The following RBFOX1 variants were observed in gnomAD, a reference collection of about 807,000 sequenced individuals.
RBFOX1 encodes the protein RNA binding fox-1 homolog 1, also known as RNA binding protein fox-1 homolog 1.
A neutral mutation model predicts 57.7 loss-of-function variants in RBFOX1; 8 were observed. That is an observed-to-expected ratio of 0.14 (90% CI 0.08 to 0.25). The LOEUF is 0.25. Among genes scored for constraint, RBFOX1 ranks in the 10% least tolerant of loss-of-function variants. The probability of loss-of-function intolerance (pLI) is 1.00; values close to 1 mark genes in which losing one functional copy is unlikely to be tolerated. For synonymous variants in RBFOX1, 326 were observed against 222.4 expected (o/e 1.47, Z -4.15); for missense variants, 611 against 548.5 (o/e 1.11, Z -1.14).
chr16:6,341,512 G>A (rs1447976944), intron 2 of RBFOX1, among the ~76,000 whole-genome samples: 1 of 152,140 alleles, frequency 6.6e-6, no homozygotes, highest in African/African-American at 2.4e-5. Flanking sequence ...AGAATGTCCT[G>A]ATATCCCCAT....
intron 2 of RBFOX1, among the ~76,000 whole-genome samples, chr16:6,490,049 G>A (rs992480317): frequency 6.6e-6 from 1 of 152,314 alleles, no homozygotes; most frequent in Middle Eastern, 3.4e-3. Context: ...GATGGTGGAT[G>A]TGAGTACGTT....
rs145158466 is a variant in RBFOX1 at position 6,846,437 on chromosome 16, G to T, written c.-16+191787G>T. ...CATGGACAAGGACAAACAAGAGACTGCACTGTGTTCTATAAGAAGACACCT... is the reference window on the plus strand; with the variant it reads ...CATGGACAAGGACAAACAAGAGACTTCACTGTGTTCTATAAGAAGACACCT... On this transcript the variant is annotated intron_variant, in intron 3 of 15. Coordinates refer to ENST00000550418, the MANE Select transcript of RBFOX1 (RefSeq NM_018723.4). Among the ~76,000 whole-genome samples the T allele has an allele frequency of 2.4e-3, 369 of 152,270 alleles. 4 individuals are homozygous for T. The highest frequency in any genetic ancestry group is 6.5e-4 in the Non-Finnish European group (44 of 68,026).
chr16:7,171,846 A>G lies in RBFOX1; in HGVS notation c.27+119748A>G, dbSNP rs181767335. Among the ~76,000 whole-genome samples, 13 of 152,280 alleles carry G rather than the reference A, an allele frequency of 8.5e-5. No homozygotes were observed. The East Asian group carries it at 2.1e-3, about 25-fold the overall frequency. ...AGCTATAAAATTTTGCTTATCGCATAGTTTAAAGTGGGATGATGACTGAGA... is the reference window on the plus strand; with the variant it reads ...AGCTATAAAATTTTGCTTATCGCATGGTTTAAAGTGGGATGATGACTGAGA... On this transcript the variant is annotated intron_variant, in intron 4 of 15. Transcript: ENST00000550418.
chr16:7,004,631 C>T (rs899557424), intron 3 of RBFOX1, among the ~76,000 whole-genome samples: 1 of 152,146 alleles, frequency 6.6e-6, no homozygotes, highest in Non-Finnish European at 1.5e-5. Context: ...TCTTGAAAGC[C>T]TCAACATTGG....
At chr16:5,725,766 C>T (rs2052126273) in intron 3 of RBFOX1, among the ~76,000 whole-genome samples, 1 of 151,974 alleles carries the variant, frequency 6.6e-6, no homozygotes, top group Non-Finnish European at 1.5e-5. Context: ...TTATGCTTCC[C>T]AAGAATGGCA....
intron 4 of RBFOX1, among the ~76,000 whole-genome samples, chr16:5,975,745 C>G (rs1057195615): frequency 6.6e-6 from 1 of 152,114 alleles, no homozygotes; most frequent in Non-Finnish European, 1.5e-5. Context: ...CTAGGTTCTG[C>G]CATTTGCTGG....
chr16:7,337,382 C>T (rs2144859307), intron 4 of RBFOX1, among the ~76,000 whole-genome samples: 1 of 152,188 alleles, frequency 6.6e-6, no homozygotes, highest in East Asian at 1.9e-4. Context: ...AGTAGGCATT[C>T]ACAGGACAAA....
chr16:5,276,971 T>C (rs114367018), intron 1 of RBFOX1, among the ~76,000 whole-genome samples: 2,826 of 152,304 alleles, frequency 0.019, 45 homozygotes, highest in Middle Eastern at 0.065. Context: ...GAAGTCATCG[T>C]ATGAAAAAGA....
chr16:6,190,704 T>G (rs2097136106), intron 1 of RBFOX1, among the ~76,000 whole-genome samples: 1 of 152,130 alleles, frequency 6.6e-6, no homozygotes, highest in Admixed American at 6.5e-5. Context: ...TTAGTCTCTG[T>G]TGGTCCCACC....
At chr16:6,969,936 C>G (rs535125976) in intron 3 of RBFOX1, among the ~76,000 whole-genome samples, 1 of 151,978 alleles carries the variant, frequency 6.6e-6, no homozygotes, top group African/African-American at 2.4e-5. Flanking sequence ...TTCCCACATA[C>G]AGAAATGTCA....
At chr16:7,198,029 G>T (rs1420822494) in intron 4 of RBFOX1, among the ~76,000 whole-genome samples, 2 of 38,686 alleles carry the variant, frequency 5.2e-5, no homozygotes, top group South Asian at 6.5e-4. Context: ...TTTTTGAGAC[G>T]GAGTCTTGCT....
intron 1 of RBFOX1, among the ~76,000 whole-genome samples, chr16:5,424,482 A>G (rs1191952740): frequency 2.0e-5 from 3 of 151,804 alleles, no homozygotes; most frequent in African/African-American, 7.3e-5. Context: ...AAGATAGGCC[A>G]GGGGCCCAGC....
intron 7 of RBFOX1, among the ~76,000 whole-genome samples, chr16:7,591,757 A>C (rs1170600236): frequency 6.6e-6 from 1 of 152,214 alleles, no homozygotes; most frequent in African/African-American, 2.4e-5. Context: ...TTTGCCGAGC[A>C]AGCCAAGCTC....
intron 5 of RBFOX1, among the ~76,000 whole-genome samples, chr16:7,552,363 C>T (rs2086821944): frequency 6.6e-6 from 1 of 152,140 alleles, no homozygotes; most frequent in Non-Finnish European, 1.5e-5. Flanking sequence ...ACTCATTTTA[C>T]ATCTAGAGGC....
intron 3 of RBFOX1, among the ~76,000 whole-genome samples, chr16:6,860,369 G>A (rs1450453385): frequency 2.0e-5 from 3 of 152,170 alleles, no homozygotes; most frequent in African/African-American, 7.2e-5. Context: ...ATCTTGGAAA[G>A]CATTTGTTAT....
chr16:7,451,938 A>C (rs773513891), intron 4 of RBFOX1, among the ~76,000 whole-genome samples: 1 of 152,028 alleles, frequency 6.6e-6, no homozygotes, highest in Non-Finnish European at 1.5e-5. Flanking sequence ...CTGGGTATGG[A>C]ATGAGGTGGG....
At chr16:7,429,084 G>C (rs2098652856) in intron 4 of RBFOX1, among the ~76,000 whole-genome samples, 1 of 152,232 alleles carries the variant, frequency 6.6e-6, no homozygotes, top group South Asian at 2.1e-4. Flanking sequence ...TGGAAGTGGA[G>C]AGGACCCGAC....
rs113589444 is a variant in RBFOX1, at chr16:6,313,475, A to G, written c.-126-3520A>G. On this transcript the variant is annotated intron_variant, in intron 1 of 15. Coordinates refer to ENST00000550418, the MANE Select transcript of RBFOX1 (RefSeq NM_018723.4). ...GAATCTATGGAAACAGAAACGTTGC[A>G]GTAGCCAGCCCTGTTTAGAGAGTCA... 1.6e-3 allele frequency among the ~76,000 whole-genome samples: 246 copies of G among 152,342 alleles called. 2 individuals are homozygous for G. Among genetic ancestry groups the G allele is most frequent in the African/African-American group, 5.6e-3 (234 of 41,584 alleles).
At chr16:7,468,931 G>A (rs1247518733) in intron 4 of RBFOX1, among the ~76,000 whole-genome samples, 1 of 151,914 alleles carries the variant, frequency 6.6e-6, no homozygotes, top group East Asian at 1.9e-4. Flanking sequence ...TCCCAGCAAG[G>A]CTGAGTAATT....
Sources: gnomAD v4.1 joint callset for allele counts (sites outside exome capture counted in the v4.1 genomes callset) on GRCh38, gnomAD v4.1.1 for gene constraint, MANE v1.5 for transcripts, NCBI Gene and HGNC (gene_info 2026-07-23, HGNC 2026-07-21) for gene names.